Variants in GRM7 observed in about 807,000 individuals in gnomAD.
The protein encoded by GRM7 is glutamate metabotropic receptor 7.
In GRM7, 35 loss-of-function variants were observed where a neutral mutation model predicts 84.5. The ratio of observed to expected loss-of-function variants is 0.41; its 90% CI spans 0.32 to 0.55. GRM7 has a LOEUF of 0.55. Ranked by LOEUF, GRM7 falls within the 20% of genes least tolerant of loss-of-function variation. The pLI is 0.19. For synonymous variants in GRM7, 487 were observed against 455.1 expected (o/e 1.07, Z -0.89); for missense variants, 1,003 against 1,194.6 (o/e 0.84, Z 2.36).
At chr3:7,482,381 C>T (rs1699164378) in intron 7 of GRM7, among the ~76,000 whole-genome samples, 1 of 152,102 alleles carries the variant, frequency 6.6e-6, no homozygotes, top group African/African-American at 2.4e-5. Flanking sequence ...AGGTACCTAC[C>T]TCAGTGTAGC....
rs191091016 is a variant in GRM7 at position 7,000,396 on chromosome 3, A to G, written c.519+138489A>G. 2.6e-4 allele frequency among the ~76,000 whole-genome samples: 40 copies of G among 152,228 alleles called. No homozygotes were observed. The South Asian group carries it at 4.6e-3, about 17-fold the overall frequency. ...GAGACAGGATTTCACCACATTGGCC[A>G]GGATGGTCTCGAACTCCTGACTTCA... is the stretch of plus-strand genomic sequence containing the variant. On this transcript the variant is annotated intron_variant, in intron 1 of 9. Transcript: ENST00000357716.
chr3:7,506,754 A>G (rs1700050998), intron 7 of GRM7, among the ~76,000 whole-genome samples: 1 of 152,166 alleles, frequency 6.6e-6, no homozygotes, highest in Non-Finnish European at 1.5e-5. Context: ...CAACAAATCT[A>G]TTTCCCAGAT....
At chr3:7,465,973 C>A (rs972689209) in intron 7 of GRM7, among the ~76,000 whole-genome samples, 1 of 152,098 alleles carries the variant, frequency 6.6e-6, no homozygotes, top group Admixed American at 6.5e-5. Flanking sequence ...GCATGGTTAG[C>A]TACCAGGATA....
At chr3:7,298,214 C>G (rs754843191) in intron 2 of GRM7, among the ~76,000 whole-genome samples, 1 of 151,920 alleles carries the variant, frequency 6.6e-6, no homozygotes, top group African/African-American at 2.4e-5. Context: ...TGGAATTGAT[C>G]TTTAAAAATA....
At chr3:7,574,470 T>A (rs1489701987) in intron 7 of GRM7, among the ~76,000 whole-genome samples, 1 of 152,214 alleles carries the variant, frequency 6.6e-6, no homozygotes, top group Non-Finnish European at 1.5e-5. Flanking sequence ...CTTGTCTTTT[T>A]CTTGTTGAAA....
At chr3:6,958,275 C>T (rs553358131) in intron 1 of GRM7, among the ~76,000 whole-genome samples, 1 of 151,122 alleles carries the variant, frequency 6.6e-6, no homozygotes, top group Non-Finnish European at 1.5e-5. Flanking sequence ...TTATTTTACT[C>T]AGCATAATGG....
intron 1 of GRM7, among the ~76,000 whole-genome samples, chr3:7,129,043 T>C (rs369531088): frequency 9.2e-5 from 14 of 152,046 alleles, no homozygotes; most frequent in African/African-American, 2.9e-4. Flanking sequence ...CATTCACGGA[T>C]GTTCATAGCA....
intron 8 of GRM7, among the ~76,000 whole-genome samples, chr3:7,656,309 C>CA (rs1193918938): frequency 1.3e-5 from 2 of 151,898 alleles, no homozygotes; most frequent in Non-Finnish European, 2.9e-5. Context: ...GCCAATATGG[C>CA]AAAACCCTGT....
At chr3:7,159,230 T>A (rs1388306924) in intron 2 of GRM7, among the ~76,000 whole-genome samples, 1 of 152,044 alleles carries the variant, frequency 6.6e-6, no homozygotes, top group African/African-American at 2.4e-5. Flanking sequence ...ATGAGTATTT[T>A]CCCCCTAAAT....
chr3:7,060,778 T>C (rs1334165413), intron 1 of GRM7, among the ~76,000 whole-genome samples: 2 of 151,806 alleles, frequency 1.3e-5, no homozygotes, highest in African/African-American at 4.8e-5. Flanking sequence ...AACAGCCTTA[T>C]TTTTGTTGAG....
chr3:6,881,899 C>T (rs145701033), intron 1 of GRM7, among the ~76,000 whole-genome samples: 4 of 147,726 alleles, frequency 2.7e-5, no homozygotes, highest in African/African-American at 2.5e-5. Context: ...CCACAATGAT[C>T]GATTAGTCTA....
At chr3:6,868,595 C>T (rs576656828) in intron 1 of GRM7, among the ~76,000 whole-genome samples, 11 of 152,238 alleles carry the variant, frequency 7.2e-5, no homozygotes, top group African/African-American at 2.6e-4. Flanking sequence ...TCAGTACCCA[C>T]CATTATGGAT....
At chr3:7,692,887 A>G (rs1700860126) in intron 9 of GRM7, among the ~76,000 whole-genome samples, 1 of 152,088 alleles carries the variant, frequency 6.6e-6, no homozygotes, top group Non-Finnish European at 1.5e-5. Context: ...TCAGTTTGCT[A>G]AAGATTAGAT....
At chr3:7,030,379 G>A (rs961807892) in intron 1 of GRM7, among the ~76,000 whole-genome samples, 2 of 152,094 alleles carry the variant, frequency 1.3e-5, no homozygotes, top group African/African-American at 4.8e-5. Flanking sequence ...TTTTGGGGGT[G>A]GGAGATATGT....
At chr3:7,247,338 G>T (rs149382500) in intron 2 of GRM7, among the ~76,000 whole-genome samples, 3 of 151,994 alleles carry the variant, frequency 2.0e-5, no homozygotes, top group African/African-American at 7.2e-5. Flanking sequence ...TTGAGAGGCC[G>T]AGGCACAAAG....
chr3:7,175,572 C>G (rs1336352192), intron 2 of GRM7, among the ~76,000 whole-genome samples: 1 of 152,158 alleles, frequency 6.6e-6, no homozygotes, highest in Non-Finnish European at 1.5e-5. Context: ...AAGTGTCACT[C>G]TATTGCCCAG....
intron 2 of GRM7, among the ~76,000 whole-genome samples, chr3:7,284,730 T>C (rs1306083314): frequency 6.6e-6 from 1 of 152,158 alleles, no homozygotes; most frequent in Non-Finnish European, 1.5e-5. Flanking sequence ...TTTTTCACTT[T>C]CCTATGTTCA....
At chr3:7,531,883 A>G (rs181652212) in intron 7 of GRM7, among the ~76,000 whole-genome samples, 131 of 152,036 alleles carry the variant, frequency 8.6e-4, no homozygotes, top group African/African-American at 3.0e-3. Context: ...TCTTGTGCTG[A>G]TTTTCAAAGG....
intron 1 of GRM7, among the ~76,000 whole-genome samples, chr3:7,039,906 T>A (rs959111366): frequency 6.6e-6 from 1 of 152,182 alleles, no homozygotes; most frequent in Non-Finnish European, 1.5e-5. Context: ...TTGGCATTTT[T>A]AAAACAAAAC....
Sources: gnomAD v4.1 joint callset for allele counts (sites outside exome capture counted in the v4.1 genomes callset) on GRCh38, gnomAD v4.1.1 for gene constraint, MANE v1.5 for transcripts, NCBI Gene and HGNC (gene_info 2026-07-23, HGNC 2026-07-21) for gene names.